MPG: variants seen among roughly 807,000 people sequenced by gnomAD.
The protein encoded by MPG is N-methylpurine DNA glycosylase.
Under a neutral mutation model 31.7 loss-of-function variants are expected in MPG, and 33 were observed. That is an observed-to-expected ratio of 1.04 (90% CI 0.79 to 1.39). MPG has a LOEUF of 1.39. MPG is among the 40% of genes most tolerant of loss of function. MPG has a pLI of 0.00. For missense variants in MPG, 455 were observed against 415.5 expected (o/e 1.10, Z -0.83); for synonymous variants, 202 against 169.2 (o/e 1.19, Z -1.51).
chr16:82,167 A>C (rs1596486037), intron 2 of MPG, among the ~76,000 whole-genome samples: 1 of 75,560 alleles, frequency 1.3e-5, no homozygotes, highest in Admixed American at 1.4e-4. Context: ...CCACCACCCT[A>C]TCTCCGGGAA....
rs925513255 is a variant in MPG, at chr16:81,577, C to T, written c.301-1475C>T. Among the ~76,000 whole-genome samples, 40 of 150,756 alleles carry T rather than the reference C, an allele frequency of 2.7e-4. 2 individuals carry two copies. On this transcript the variant is annotated intron_variant, in intron 2 of 3. Coordinates refer to ENST00000356432, the MANE Select transcript of MPG (RefSeq NM_001015052.3). ...TCTGGGCTTCCCGCCCAGGCACTGA[C>T]CCCTTCTTCCCACCACCCTATCTCC...
Position 85,551 on chromosome 16 carries a change from C to A in MPG, c.656C>A (p.Ala219Asp). 1 of 1,613,406 alleles carries A rather than the reference C, an allele frequency of 6.2e-7. No individual in the cohort carries two copies. The highest frequency in any genetic ancestry group is 8.5e-7 in the Non-Finnish European group (1 of 1,180,014). The change falls in exon 4 of 4, where the codon GCC (alanine) becomes GAC (aspartate). Residue 219 changes from alanine (A) to aspartate (D), a missense_variant. Physicochemically the swap from Ala to Asp is moderately radical, Grantham distance 126. Coordinates refer to ENST00000356432, the MANE Select transcript of MPG (RefSeq NM_001015052.3). ...AGTGGCCCCTCCAAGCTGTGCCAGG[C>A]CCTGGCCATCAACAAGAGCTTTGAC... ...LCSGPSKLCQ[A>D]LAINKSFDQR...
rs1898405120 is a variant in MPG at position 85,409 on chromosome 16, G to T, written c.514G>T (p.Ala172Ser). ...AACTGTCCGTCCCACAGGGGACGGG[G>T]CTTGCGTCTTGCTGCGAGCACTGGA... is the stretch of plus-strand genomic sequence containing the variant. Reference protein sequence around the residue: ...CMNISSQGDGACVLLRALEPL... With the variant: ...CMNISSQGDGSCVLLRALEPL... Residue 172 changes from alanine to serine, a missense_variant, in exon 4 of 4, where the codon GCT (alanine) becomes TCT (serine). By Grantham distance (99) the Ala-to-Ser change is moderately conservative (BLOSUM62 1). Transcript: ENST00000356432. 2 of 1,606,040 alleles carry T rather than the reference G, an allele frequency of 1.2e-6. No homozygotes were observed. The highest frequency in any genetic ancestry group is 1.7e-5 in the Admixed American group (1 of 59,640).
rs151315366 is a variant in MPG, at chr16:79,479, C to A, written c.79C>A (p.His27Asn). 379 of 1,612,720 alleles carry A rather than the reference C, an allele frequency of 2.4e-4. No individual in the cohort carries two copies. The highest frequency in any genetic ancestry group is 2.8e-4 in the Non-Finnish European group (328 of 1,179,832). The change falls in exon 2 of 4, where the codon CAC becomes AAC. Residue 27 changes from histidine (H) to asparagine (N), a missense_variant. Coordinates refer to ENST00000356432, the MANE Select transcript of MPG (RefSeq NM_001015052.3). Reference protein sequence around the residue: ...KQRPARAGQPHSSSDAAQAPA... With the variant: ...KQRPARAGQPNSSSDAAQAPA... Reference sequence around the variant, plus strand: ...GCGACCAGCTAGAGCAGGGCAGCCACACAGCTCGTCCGACGCAGCCCAGGC... The same window carrying A: ...GCGACCAGCTAGAGCAGGGCAGCCAAACAGCTCGTCCGACGCAGCCCAGGC...
Position 85,382 on chromosome 16 carries a change from C to G in MPG, c.506-19C>G, listed in dbSNP as rs750303980. On this transcript the variant is annotated intron_variant, in intron 3 of 3. Coordinates refer to ENST00000356432, the MANE Select transcript of MPG (RefSeq NM_001015052.3). The stretch of plus-strand genomic sequence containing the variant: ...CAGGAGCCTAGGGAGGCTCCACTTC[C>G]AAACTGTCCGTCCCACAGGGGACGG... 1 of 1,583,866 alleles carries G rather than the reference C, an allele frequency of 6.3e-7. No homozygotes were observed. Among genetic ancestry groups the G allele is most frequent in the Non-Finnish European group, 8.6e-7 (1 of 1,164,620 alleles).
chr16:78,827 G>A (rs1208314148), intron 1 of MPG, among the ~76,000 whole-genome samples: 2 of 152,176 alleles, frequency 1.3e-5, no homozygotes, highest in Non-Finnish European at 2.9e-5. Context: ...CGGCCTGCTC[G>A]GTCTCAGCAG....
rs1898402628 is a variant in MPG at position 85,390 on chromosome 16, C to G, written c.506-11C>G. 1.3e-6 allele frequency: 2 copies of G among 1,591,058 alleles called. No individual in the cohort carries two copies. Among genetic ancestry groups the G allele is most frequent in the South Asian group, 2.2e-5 (2 of 89,222 alleles). On this transcript the variant is annotated splice_polypyrimidine_tract_variant and intron_variant, in intron 3 of 3. Transcript: ENST00000356432. ...TAGGGAGGCTCCACTTCCAAACTGT[C>G]CGTCCCACAGGGGACGGGGCTTGCG... is the stretch of plus-strand genomic sequence containing the variant.
chr16:82,868 C>G (rs1366768437), intron 2 of MPG, among the ~76,000 whole-genome samples, 184 bp from the exon 3 acceptor site: 1 of 152,094 alleles, frequency 6.6e-6, no homozygotes, highest in Non-Finnish European at 1.5e-5. Context: ...CTGGTGCCCT[C>G]AATAGCCACA....
intron 3 of MPG, 117 bp downstream of exon 3, chr16:83,373 TCCAGG>T: frequency 1.9e-6 from 2 of 1,058,088 alleles, no homozygotes; most frequent in East Asian, 2.5e-5. Flanking sequence ...AGGTGCCACT[TCCAGG>T]CCAGGCCAGG....
At chr16:82,967 G>C (rs1400096403) in intron 2 of MPG, 85 bp from the exon 3 acceptor site, 2 of 1,237,842 alleles carry the variant, frequency 1.6e-6, no homozygotes, top group Non-Finnish European at 1.1e-6. Flanking sequence ...ACCCTGAGCT[G>C]GGGAGATGAG....
At chr16:83,308 C>A (rs1254603858) in intron 3 of MPG, 52 bp downstream of exon 3, 2 of 1,552,230 alleles carry the variant, frequency 1.3e-6, no homozygotes, top group South Asian at 1.1e-5. Context: ...GCCCTGTCCG[C>A]TAGCAGCCAG....
chr16:79,168 A>G (rs903532002), intron 1 of MPG: 35 of 1,528,458 alleles, frequency 2.3e-5, no homozygotes, highest in Non-Finnish European at 3.0e-5. Context: ...CATGCCGTGC[A>G]GCTCGCACAT....
Position 78,290 on chromosome 16 carries a change from GC to G in MPG, c.-16del, listed in dbSNP as rs1357721149. The G allele has an allele frequency of 5.2e-6, 7 of 1,348,764 alleles. No individual in the cohort carries two copies. The highest frequency in any genetic ancestry group is 3.2e-5 in the East Asian group (1 of 30,898). The allele number at this position is 1,348,764 out of a possible 1,614,324, so 83.5% of individuals were successfully genotyped here. On this transcript the variant is annotated 5_prime_UTR_variant, in exon 1 of 4. Transcript: ENST00000356432. ...CGCGCCGGGGTCCGAGTCCCACGAA[GC>G]CCCGGCCCGAGCCGCCGGATGCCCG...
chr16:78,993 C>CTGTT, intron 1 of MPG: 1 of 1,332,378 alleles, frequency 7.5e-7, no homozygotes, highest in South Asian at 1.6e-5. Flanking sequence ...TGCTAAGATC[C>CTGTT]TGTGTTTTGA....
At chr16:80,612 C>T (rs1333600549) in intron 2 of MPG, among the ~76,000 whole-genome samples, 2 of 152,062 alleles carry the variant, frequency 1.3e-5, no homozygotes, top group Non-Finnish European at 2.9e-5. Flanking sequence ...AGTTTGAGAC[C>T]AGCCTGACCA....
intron 2 of MPG, among the ~76,000 whole-genome samples, chr16:82,399 G>A (rs921635089): frequency 3.9e-5 from 6 of 152,220 alleles, no homozygotes; most frequent in East Asian, 3.8e-4. Context: ...AGGTGCAGGG[G>A]ATGTGGTTGG....
In MPG at chr16:85,826, A is replaced by G; in HGVS notation, c.*49A>G. On this transcript the variant is annotated 3_prime_UTR_variant, in exon 4 of 4. Coordinates refer to ENST00000356432, the MANE Select transcript of MPG (RefSeq NM_001015052.3). ...TTTTTTAATTGTTTAAAAACCGAAT[A>G]AATGTTTTATTTCTAGAAAACTGTG... The G allele has an allele frequency of 7.0e-7, 1 of 1,438,402 alleles. No individual in the cohort carries two copies. The highest frequency in any genetic ancestry group is 9.1e-7 in the Non-Finnish European group (1 of 1,093,402). The allele number at this position is 1,438,402 out of a possible 1,614,324, so 89.1% of individuals were successfully genotyped here. A position where few individuals can be genotyped will look rare whatever the true frequency, so the allele number is the denominator to read the frequency against.
At chr16:82,747 G>A (rs1898285203) in intron 2 of MPG, among the ~76,000 whole-genome samples, 2 of 152,194 alleles carry the variant, frequency 1.3e-5, no homozygotes, top group Non-Finnish European at 1.5e-5. Flanking sequence ...CTGCTGAGAG[G>A]ACTTGACCTG....
At chr16:83,343 G>A (rs745636339) in intron 3 of MPG, 87 bp downstream of exon 3, 1 of 1,365,122 alleles carries the variant, frequency 7.3e-7, no homozygotes, top group Non-Finnish European at 1.0e-6. Flanking sequence ...GACTGAGGTG[G>A]GGCCAGCATT....
Sources: allele counts gnomAD v4.1 joint callset (sites outside exome capture counted in the v4.1 genomes callset), GRCh38; gene constraint gnomAD v4.1.1; transcripts MANE v1.5; gene names NCBI Gene and HGNC (gene_info 2026-07-23, HGNC 2026-07-21).